The following CDH18 variants were observed in gnomAD, a reference collection of about 807,000 sequenced individuals.
CDH18 encodes cadherin 18, also known as cadherin-18.
CDH18 carries 31 observed loss-of-function variants against 67.9 expected under a neutral mutation model. That is an observed-to-expected ratio of 0.46 (90% CI 0.34 to 0.62). The LOEUF (loss-of-function observed/expected upper bound fraction) is 0.62, where lower values mean the gene tolerates loss of function less well. CDH18 is among the 20% of genes least tolerant of loss of function. The pLI is 0.01. For missense variants in CDH18, 890 were observed against 975.5 expected (o/e 0.91, Z 1.17); for synonymous variants, 362 against 347.2 (o/e 1.04, Z -0.48).
chr5:20,239,556 G>C (rs1742733276), intron 2 of CDH18, among the ~76,000 whole-genome samples: 1 of 152,160 alleles, frequency 6.6e-6, no homozygotes, highest in African/African-American at 2.4e-5. Flanking sequence ...AAAGGATTAT[G>C]AAAGAAGGAA....
chr5:20,110,495 C>T (rs575675837), intron 2 of CDH18, among the ~76,000 whole-genome samples: 1 of 152,186 alleles, frequency 6.6e-6, no homozygotes, highest in East Asian at 1.9e-4. Flanking sequence ...CCAGCCTGGC[C>T]AACATGGTGA....
intron 1 of CDH18, among the ~76,000 whole-genome samples, chr5:20,475,194 C>G (rs1183905240): frequency 6.6e-6 from 1 of 151,968 alleles, no homozygotes; most frequent in Non-Finnish European, 1.5e-5. Flanking sequence ...AAAAATGTGT[C>G]TCAATTATTT....
chr5:19,877,936 T>C (rs1162522600), intron 2 of CDH18: 1 of 152,078 alleles, frequency 6.6e-6, no homozygotes, highest in African/African-American at 2.4e-5. Context: ...ATCTGACATA[T>C]ATTAGGTGCT....
intron 2 of CDH18, among the ~76,000 whole-genome samples, chr5:20,255,053 C>T (rs966142479): frequency 1.3e-5 from 2 of 152,030 alleles, no homozygotes; most frequent in South Asian, 2.1e-4. Flanking sequence ...CACATGTTCT[C>T]GCTTATAAAT....
chr5:19,919,786 T>A (rs992139270), intron 2 of CDH18, among the ~76,000 whole-genome samples: 2 of 152,038 alleles, frequency 1.3e-5, no homozygotes, highest in African/African-American at 4.8e-5. Flanking sequence ...GGTGATAATA[T>A]AATAATAAAG....
At chr5:19,865,538 G>A (rs1785391177) in intron 2 of CDH18, among the ~76,000 whole-genome samples, 1 of 152,068 alleles carries the variant, frequency 6.6e-6, no homozygotes, top group South Asian at 2.1e-4. Context: ...CAGTACCCAG[G>A]AAGTCATCTC....
At chr5:20,285,568 G>A (rs901385351) in intron 1 of CDH18, among the ~76,000 whole-genome samples, 1 of 151,188 alleles carries the variant, frequency 6.6e-6, no homozygotes, top group African/African-American at 2.4e-5. Context: ...TAAATAAAGT[G>A]TATTTATAAA....
intron 11 of CDH18, among the ~76,000 whole-genome samples, chr5:19,487,192 T>C (rs1421053696): frequency 1.3e-5 from 2 of 152,076 alleles, no homozygotes; most frequent in South Asian, 2.1e-4. Context: ...TTTTAAAATA[T>C]AGATAGATGA....
At chr5:20,235,935 C>T (rs917657587) in intron 2 of CDH18, among the ~76,000 whole-genome samples, 1 of 152,096 alleles carries the variant, frequency 6.6e-6, no homozygotes, top group African/African-American at 2.4e-5. Flanking sequence ...AGAACAAAAT[C>T]ATGTCCTTCA....
chr5:20,544,797 T>C (rs973821128), intron 1 of CDH18, among the ~76,000 whole-genome samples: 1 of 152,182 alleles, frequency 6.6e-6, no homozygotes, highest in African/African-American at 2.4e-5. Flanking sequence ...CCAAATATCA[T>C]GCCCTTTTCA....
Position 19,994,855 on chromosome 5 carries a change from T to TATATATATATAGAGAGAGAG in CDH18, c.-517-2842_-517-2841insCTCTCTCTCTATATATATAT, listed in dbSNP as rs760777430. Among the ~76,000 whole-genome samples, 5 of 67,584 alleles carry TATATATATATAGAGAGAGAG rather than the reference T, an allele frequency of 7.4e-5. 1 individual carries two copies. The highest frequency in any genetic ancestry group is 3.7e-4 in the African/African-American group (5 of 13,598). The allele number at this position is 67,584 out of a possible 152,430, so 44.3% of individuals were successfully genotyped here. A position where few individuals can be genotyped will look rare whatever the true frequency, so the allele number is the denominator to read the frequency against. On this transcript the variant is annotated intron_variant, in intron 2 of 14. Transcript: ENST00000507958. ...ATATATATATATATATATATATATA[T>TATATATATATAGAGAGAGAG]AGAGAGAGAGAGAGAGAGAGAGATG...
intron 3 of CDH18, among the ~76,000 whole-genome samples, chr5:19,763,994 CAAAAA>C (rs60958986): frequency 2.4e-4 from 16 of 65,310 alleles, no homozygotes; most frequent in Non-Finnish European, 2.6e-4. Context: ...ACTAAAAATA[CAAAAA>C]AAAAAAAAAA....
At chr5:19,961,417 T>C (rs1052851123) in intron 2 of CDH18, among the ~76,000 whole-genome samples, 10 of 152,090 alleles carry the variant, frequency 6.6e-5, no homozygotes, top group African/African-American at 2.4e-4. Context: ...AACTACATTA[T>C]AATCTTATGA....
intron 5 of CDH18, among the ~76,000 whole-genome samples, chr5:19,719,860 A>G (rs972697926): frequency 1.3e-5 from 2 of 151,556 alleles, no homozygotes; most frequent in Non-Finnish European, 2.9e-5. Flanking sequence ...AAAGAGAGAA[A>G]GAAAGAAAAG....
At chr5:20,541,796 T>G (rs1346543) in intron 1 of CDH18, among the ~76,000 whole-genome samples, 68,893 of 152,008 alleles carry the variant, frequency 0.45, 15,900 homozygotes, top group East Asian at 0.57. Flanking sequence ...TTGCTATACT[T>G]CACCATATAG....
intron 2 of CDH18, among the ~76,000 whole-genome samples, chr5:20,249,382 CT>C (rs11395247): frequency 2.0e-3 from 263 of 129,718 alleles, no homozygotes; most frequent in African/African-American, 6.8e-3. Flanking sequence ...TCCTTTAAAA[CT>C]TTTTTTTTTT....
chr5:20,284,675 A>G (rs1746547649), intron 1 of CDH18, among the ~76,000 whole-genome samples: 1 of 151,948 alleles, frequency 6.6e-6, no homozygotes, highest in African/African-American at 2.4e-5. Context: ...GACCTCATCC[A>G]CTAACCAATT....
At chr5:20,536,933 C>A in intron 1 of CDH18, among the ~76,000 whole-genome samples, 1 of 152,126 alleles carries the variant, frequency 6.6e-6, no homozygotes, top group East Asian at 1.9e-4. Flanking sequence ...TGGTCTAAAT[C>A]TGGAAGTAAC....
chr5:20,170,360 T>C (rs1422933811), intron 2 of CDH18, among the ~76,000 whole-genome samples: 6 of 152,158 alleles, frequency 3.9e-5, no homozygotes, highest in African/African-American at 1.4e-4. Flanking sequence ...CATGATCTCA[T>C]TCCTTTTTTG....
Sources: allele counts gnomAD v4.1 joint callset (sites outside exome capture counted in the v4.1 genomes callset), GRCh38; gene constraint gnomAD v4.1.1; transcripts MANE v1.5; gene names NCBI Gene and HGNC (gene_info 2026-07-23, HGNC 2026-07-21).